MYO15A: variants seen among roughly 807,000 people sequenced by gnomAD.
MYO15A encodes the protein unconventional myosin-XV.
A neutral mutation model predicts 394.6 loss-of-function variants in MYO15A; 308 were observed. The observed-to-expected ratio is 0.78, with a 90% CI of 0.71 to 0.86. The LOEUF is 0.86. Ranked by LOEUF, MYO15A falls within the 40% of genes least tolerant of loss-of-function variation. The pLI, the probability that MYO15A is intolerant of heterozygous loss-of-function variation, is 0.00. For synonymous variants in MYO15A, 1,957 were observed against 2,003.8 expected, an observed-to-expected ratio of 0.98 and a Z score of 0.62; for missense variants, 4,606 against 4,799.1, an observed-to-expected ratio of 0.96 and a Z score of 1.19.
chr17:18,127,051 C>A, intron 6 of MYO15A, 24 bp from the exon 7 acceptor site: 1 of 1,613,652 alleles, frequency 6.2e-7, no homozygotes, highest in Non-Finnish European at 8.5e-7. Context: ...GGTTGGAGCT[C>A]ACTCTGCCCC....
rs138363326 is a variant in MYO15A at position 18,175,434 on chromosome 17, G to A, written c.10491+1513G>A. 9.3e-3 allele frequency among the ~76,000 whole-genome samples: 1,419 copies of A among 151,932 alleles called. 21 individuals are homozygous for A. The highest frequency in any genetic ancestry group is 0.032 in the African/African-American group (1,331 of 41,396). ...GCCTCCCAAGTAGCTGGGACTGCAG[G>A]CGCATGCCACAATGCCTGGCTAATT... On this transcript the variant is annotated intron_variant, in intron 65 of 65. Coordinates refer to ENST00000647165, the MANE Select transcript of MYO15A (RefSeq NM_016239.4).
intron 29 of MYO15A, 104 bp from the exon 30 acceptor site, chr17:18,145,768 G>C: frequency 1.1e-6 from 1 of 939,218 alleles, no homozygotes; most frequent in Non-Finnish European, 1.7e-6. Context: ...ATTTATATGG[G>C]CAGGGGCACA....
Position 18,119,254 on chromosome 17 carries a change from GA to G in MYO15A, c.456del (p.Glu152AspfsTer292). 1.9e-6 allele frequency: 3 copies of G among 1,612,348 alleles called. No homozygotes were observed. Among genetic ancestry groups the G allele is most frequent in the Non-Finnish European group, 2.5e-6 (3 of 1,179,886 alleles). ...LLKKAEESGS[E>X]QATVDAWLQR... The stretch of plus-strand genomic sequence containing the variant: ...CAAGAAGGCCGAGGAGTCGGGCAGC[GA>G]ACAGGCCACAGTGGACGCCTGGCTG... On this transcript the variant is annotated frameshift_variant, in exon 2 of 66. Transcript: ENST00000647165. LOFTEE classifies it high-confidence loss of function.
At chr17:18,125,328 G>GC in intron 4 of MYO15A, 97 bp downstream of exon 4, 2 of 1,174,554 alleles carry the variant, frequency 1.7e-6, no homozygotes, top group Non-Finnish European at 2.5e-6. Flanking sequence ...GTGGGCCCTA[G>GC]CCCCTGTGGC....
Position 18,127,786 on chromosome 17 carries a change from C to T in MYO15A, c.4032+621C>T, listed in dbSNP as rs76347380. ...GCGGCAACTCAGGCAAATGTTCACA[C>T]CCTTATGGGAACTTCATTCTAGTGG... On this transcript the variant is annotated intron_variant, in intron 7 of 65. Coordinates refer to ENST00000647165, the MANE Select transcript of MYO15A (RefSeq NM_016239.4). Among the ~76,000 whole-genome samples the T allele has an allele frequency of 7.1e-3, 1,062 of 149,538 alleles. 11 individuals are homozygous for T. The highest frequency in any genetic ancestry group is 0.025 in the African/African-American group (1,028 of 40,614).
At chr17:18,136,836 T>C (rs1007728668) in intron 15 of MYO15A, 150 bp downstream of exon 15, 4 of 1,232,668 alleles carry the variant, frequency 3.2e-6, no homozygotes, top group South Asian at 2.9e-5. Flanking sequence ...ATCTCCCTTG[T>C]CTCCTTCCAT....
chr17:18,150,787 G>C lies in MYO15A; in HGVS notation c.7395+22G>C. Reference sequence around the variant, plus strand: ...GCTGGTGAGTGAGGGAGGGACTGCTGGGGGGTGGAGAATGGACCTGCCTGG... The same window carrying C: ...GCTGGTGAGTGAGGGAGGGACTGCTCGGGGGTGGAGAATGGACCTGCCTGG... On this transcript the variant is annotated intron_variant, in intron 37 of 65. Transcript: ENST00000647165. The surrounding 1 kb of genome is among the most constrained non-coding windows in gnomAD (Gnocchi z 4.4). The C allele has an allele frequency of 1.3e-6, 2 of 1,581,092 alleles. No homozygotes were observed. Among genetic ancestry groups the C allele is most frequent in the Non-Finnish European group, 1.7e-6 (2 of 1,162,670 alleles).
intron 1 of MYO15A, among the ~76,000 whole-genome samples, chr17:18,115,380 A>G (rs1221536867): frequency 6.6e-6 from 1 of 152,128 alleles, no homozygotes; most frequent in Non-Finnish European, 1.5e-5. Flanking sequence ...ACACTTTGGG[A>G]GGTCGAGGCA....
intron 7 of MYO15A, among the ~76,000 whole-genome samples, chr17:18,129,460 C>T (rs2046112927): frequency 6.6e-6 from 1 of 152,218 alleles, no homozygotes; most frequent in Non-Finnish European, 1.5e-5. Flanking sequence ...CAGTTTACTC[C>T]TTTATGCAAT....
chr17:18,145,894 C>T lies in MYO15A; in HGVS notation c.6296C>T (p.Pro2099Leu), dbSNP rs771838274. The T allele has an allele frequency of 1.2e-6, 2 of 1,613,316 alleles. No individual in the cohort carries two copies. Among genetic ancestry groups the T allele is most frequent in the Non-Finnish European group, 8.5e-7 (1 of 1,180,010 alleles). ...CAGATCCTGCGCTTCATGGGCGACCCCCACCTGCATGGTGCCCGGGAGAAC... is the reference window on the plus strand; with the variant it reads ...CAGATCCTGCGCTTCATGGGCGACCTCCACCTGCATGGTGCCCGGGAGAAC... ...FKLILRFMGD[P>L]HLHGARENIF... The change falls in exon 30 of 66, where the codon CCC becomes CTC. Residue 2099 changes from proline (P) to leucine (L), a missense_variant. Physicochemically the swap from Pro to Leu is moderately conservative, Grantham distance 98. Coordinates refer to ENST00000647165, the MANE Select transcript of MYO15A (RefSeq NM_016239.4).
At chr17:18,171,400 A>C (rs1429135930) in intron 62 of MYO15A, among the ~76,000 whole-genome samples, 1 of 152,150 alleles carries the variant, frequency 6.6e-6, no homozygotes, top group East Asian at 1.9e-4. Flanking sequence ...AACTTCTCAG[A>C]GCCTCAGTTC....
At chr17:18,134,518 A>G (rs1597782978) in intron 12 of MYO15A, among the ~76,000 whole-genome samples, 1 of 152,206 alleles carries the variant, frequency 6.6e-6, no homozygotes, top group South Asian at 2.1e-4. Context: ...TATCCCAGTA[A>G]GGTGTGACGT....
intron 57 of MYO15A, among the ~76,000 whole-genome samples, chr17:18,161,858 G>A (rs913704084): frequency 2.6e-5 from 4 of 151,956 alleles, no homozygotes; most frequent in Non-Finnish European, 5.9e-5. Flanking sequence ...GGCAGAGGTG[G>A]GCCCAAGCTG....
At chr17:18,154,858 C>A in intron 45 of MYO15A, 103 bp downstream of exon 45, 1 of 1,318,022 alleles carries the variant, frequency 7.6e-7, no homozygotes, top group African/African-American at 1.5e-5. Flanking sequence ...GGCCCACCAT[C>A]TCCCAGACAT....
At position 18,142,174 on chromosome 17, in the gene MYO15A, C is replaced by T; in HGVS notation, c.5745C>T (p.Gly1915=). 3 of 1,613,872 alleles carry T rather than the reference C, an allele frequency of 1.9e-6. No homozygotes were observed. Among genetic ancestry groups the T allele is most frequent in the Non-Finnish European group, 2.5e-6 (3 of 1,180,026 alleles). ...AALTLQRCLR[G]FFIKRRFRSL... ...TCACTCTGCAGCGCTGCCTCCGTGG[C>T]TTCTTCATTAAGCGGCGATTCCGCT... Residue 1915 remains glycine (G), a synonymous_variant, in exon 24 of 66, where the codon GGC becomes GGT. Transcript: ENST00000647165.
In MYO15A at chr17:18,151,512, G is replaced by C; in HGVS notation, c.7772G>C (p.Arg2591Pro). ...TACCAGCAGCCGTTCCGGGGAGGCC[G>C]GCCTGAGGCCCTCAGGTCAGCACTG... is the stretch of plus-strand genomic sequence containing the variant. ...RQYQQPFRGG[R>P]PEALRKDGGK... The change falls in exon 40 of 66, where the codon CGG becomes CCG. Residue 2591 changes from arginine to proline, a missense_variant. Arg to Pro is a moderately radical substitution (Grantham distance 103). This residue lies in a region of MYO15A where 2,776 missense variants were observed against 3,109.3 expected (regional missense o/e 0.89). Coordinates refer to ENST00000647165, the MANE Select transcript of MYO15A (RefSeq NM_016239.4). The C allele has an allele frequency of 6.2e-7, 1 of 1,614,088 alleles. No individual in the cohort carries two copies. The highest frequency in any genetic ancestry group is 8.5e-7 in the Non-Finnish European group (1 of 1,180,020).
chr17:18,120,746 C>G lies in MYO15A; in HGVS notation c.1946C>G (p.Pro649Arg), dbSNP rs1309723288. Residue 649 changes from proline to arginine, a missense_variant, in exon 2 of 66, where the codon CCC becomes CGC. Transcript: ENST00000647165. ...NDARRPPAPQPAPRTLSHWSA... is the reference protein window; with the variant it reads ...NDARRPPAPQRAPRTLSHWSA... ...GCGCGCCGCCCGCCCGCGCCACAGC[C>G]CGCGCCCAGGACCCTCTCCCACTGG... 2.8e-5 allele frequency: 41 copies of G among 1,463,088 alleles called. No individual in the cohort carries two copies. The highest frequency in any genetic ancestry group is 5.1e-5 in the Admixed American group (2 of 39,558). 90.6% of individuals were successfully genotyped at this position (1,463,088 alleles called of 1,614,324 possible).
chr17:18,144,933 G>A (rs987364140), intron 29 of MYO15A, among the ~76,000 whole-genome samples: 2 of 152,192 alleles, frequency 1.3e-5, no homozygotes, highest in Non-Finnish European at 2.9e-5. Context: ...AGTATGGACA[G>A]AGGGAAGCAC....
Position 18,121,453 on chromosome 17 carries a change from CCGCA to C in MYO15A, c.2654_2657del (p.Pro885GlnfsTer100). On this transcript the variant is annotated frameshift_variant, in exon 2 of 66. Transcript: ENST00000647165. LOFTEE classifies it high-confidence loss of function. The surrounding 1 kb of genome is among the most constrained non-coding windows in gnomAD (Gnocchi z 5.3). ...CGAGCCACCCACTCGGGCTGTGAAG[CCGCA>C]AGTGCGCCTGCCCTTCCACCGACCG... The C allele has an allele frequency of 6.5e-7, 1 of 1,548,696 alleles. No individual in the cohort carries two copies. The highest frequency in any genetic ancestry group is 8.7e-7 in the Non-Finnish European group (1 of 1,146,864).
Sources: gnomAD v4.1 joint callset for allele counts (sites outside exome capture counted in the v4.1 genomes callset) on GRCh38, gnomAD v4.1.1 for gene constraint, gnomAD v4.1.1 regional missense constraint, Gnocchi (gnomAD v3.1) non-coding constraint, MANE v1.5 for transcripts, NCBI Gene and HGNC (gene_info 2026-07-23, HGNC 2026-07-21) for gene names.